The following C3orf20 variants were observed in gnomAD, a reference collection of about 807,000 sequenced individuals.
The protein encoded by C3orf20 is family with sequence similarity 149 member C, also known as uncharacterized protein C3orf20.
C3orf20 carries 76 observed loss-of-function variants against 88.3 expected under a neutral mutation model. That is an observed-to-expected ratio of 0.86 (90% CI 0.72 to 1.04). The LOEUF is 1.04. C3orf20 is among the 50% of genes least tolerant of loss of function. C3orf20 has a pLI of 0.00. For synonymous variants in C3orf20, 436 were observed against 437.4 expected (o/e 1.00, Z 0.04); for missense variants, 1,056 against 1,123.3 (o/e 0.94, Z 0.86).
intron 14 of C3orf20, among the ~76,000 whole-genome samples, chr3:14,761,189 G>T (rs2035550351): frequency 6.6e-6 from 1 of 151,546 alleles, no homozygotes. Flanking sequence ...CCCTCCTCAG[G>T]TTGCCCAGGG....
At position 14,684,222 on chromosome 3, in the gene C3orf20, G is replaced by A; in HGVS notation, c.485-20G>A. On this transcript the variant is annotated intron_variant, in intron 3 of 16. Coordinates refer to ENST00000253697, the MANE Select transcript of C3orf20 (RefSeq NM_032137.5). ...CCCCATGCTAGGAGGGACACGTGTT[G>A]CTTTCTATCATTGCTTTAGTGGGTG... 1.9e-6 allele frequency: 3 copies of A among 1,613,204 alleles called. No homozygotes were observed. The highest frequency in any genetic ancestry group is 2.5e-6 in the Non-Finnish European group (3 of 1,179,582).
At chr3:14,679,602 A>T (rs1391595256) in intron 1 of C3orf20, among the ~76,000 whole-genome samples, 1 of 152,024 alleles carries the variant, frequency 6.6e-6, no homozygotes, top group Admixed American at 6.6e-5. Context: ...AGCTGCAGCC[A>T]TCTTATCCAT....
chr3:14,700,212 A>G (rs1339547729), intron 5 of C3orf20, among the ~76,000 whole-genome samples: 1 of 151,942 alleles, frequency 6.6e-6, no homozygotes, highest in African/African-American at 2.4e-5. Flanking sequence ...ATCAGGTACT[A>G]TGAGTGCTCA....
intron 5 of C3orf20, among the ~76,000 whole-genome samples, chr3:14,694,524 A>G (rs2032881656): frequency 6.6e-6 from 1 of 152,094 alleles, no homozygotes; most frequent in African/African-American, 2.4e-5. Context: ...TTGCAATATC[A>G]GTTGTAATGT....
chr3:14,718,312 C>T (rs1026152613), intron 9 of C3orf20, among the ~76,000 whole-genome samples: 6 of 145,310 alleles, frequency 4.1e-5, no homozygotes, highest in Non-Finnish European at 9.2e-5. Context: ...TCTGTCATCT[C>T]CATTCTACTA....
chr3:14,721,211 G>A (rs551099797), intron 9 of C3orf20, among the ~76,000 whole-genome samples: 21 of 152,186 alleles, frequency 1.4e-4, no homozygotes, highest in East Asian at 1.9e-4. Flanking sequence ...GCTTTCCGGC[G>A]CTTCCTGCCA....
chr3:14,702,966 A>G lies in C3orf20; in HGVS notation c.746-164A>G, dbSNP rs537001119. ...CAAATGGGAAAAAATGGCCAAAACAAAGGGGTTACAGGGCCCATGCAAGTC... is the reference window on the plus strand; with the variant it reads ...CAAATGGGAAAAAATGGCCAAAACAGAGGGGTTACAGGGCCCATGCAAGTC... On this transcript the variant is annotated intron_variant, in intron 5 of 16. Transcript: ENST00000253697. Among the ~76,000 whole-genome samples, 3 of 152,268 alleles carry G rather than the reference A, an allele frequency of 2.0e-5. No individual in the cohort carries two copies. In the East Asian group the frequency reaches 5.8e-4, roughly 29 times the overall value.
intron 12 of C3orf20, among the ~76,000 whole-genome samples, chr3:14,747,018 A>G (rs748084495): frequency 2.0e-5 from 3 of 152,224 alleles, no homozygotes; most frequent in Middle Eastern, 3.2e-3. Context: ...TGTTGTAGCC[A>G]TTGAGTAGCA....
At chr3:14,690,250 T>C in intron 5 of C3orf20, 134 bp downstream of exon 5, 1 of 1,239,324 alleles carries the variant, frequency 8.1e-7, no homozygotes. Flanking sequence ...ATAGCGGCTC[T>C]GCCTGGAGAT....
At chr3:14,767,822 C>T (rs1207136290) in intron 15 of C3orf20, among the ~76,000 whole-genome samples, 3 of 152,246 alleles carry the variant, frequency 2.0e-5, no homozygotes, top group Non-Finnish European at 4.4e-5. Flanking sequence ...AACAGCAGAG[C>T]ACTCCGTAAG....
chr3:14,720,027 T>A (rs1479672425), intron 9 of C3orf20, among the ~76,000 whole-genome samples: 2 of 135,844 alleles, frequency 1.5e-5, no homozygotes, highest in African/African-American at 5.0e-5. Context: ...TTTTGTTTTG[T>A]TTTTTGTTTT....
intron 12 of C3orf20, among the ~76,000 whole-genome samples, chr3:14,749,154 A>G (rs184552232): frequency 8.5e-5 from 13 of 152,318 alleles, no homozygotes; most frequent in African/African-American, 3.1e-4. Context: ...TATGTTTGCA[A>G]TTGTTATATT....
intron 10 of C3orf20, 64 bp from the exon 11 acceptor site, chr3:14,726,837 T>A (rs932273311): frequency 1.2e-6 from 2 of 1,608,286 alleles, no homozygotes; most frequent in African/African-American, 2.7e-5. Context: ...TTAGTTATCC[T>A]GGACTAGGCA....
intron 9 of C3orf20, among the ~76,000 whole-genome samples, chr3:14,720,773 T>C (rs1178075354): frequency 1.3e-5 from 2 of 152,248 alleles, no homozygotes; most frequent in South Asian, 4.1e-4. Flanking sequence ...TTGCTCTACC[T>C]TGTCTTGACA....
rs2034370273 is a variant in C3orf20 at position 14,726,922 on chromosome 3, A to G, written c.1588A>G (p.Met530Val). 1 of 1,614,146 alleles carries G rather than the reference A, an allele frequency of 6.2e-7. No individual in the cohort carries two copies. Among genetic ancestry groups the G allele is most frequent in the Non-Finnish European group, 8.5e-7 (1 of 1,180,024 alleles). Residue 530 changes from methionine to valine, a missense_variant, in exon 11 of 17, where the codon ATG becomes GTG. By Grantham distance (21) the Met-to-Val change is conservative. Transcript: ENST00000253697. The part of the protein sequence containing the change: ...DKRLNRRISN[M>V]DDKVYKMSRA... ...CCAGCTGAACCGCAGAATCAGCAACATGGACGACAAGGTGTATAAGATGAG... is the reference window on the plus strand; with the variant it reads ...CCAGCTGAACCGCAGAATCAGCAACGTGGACGACAAGGTGTATAAGATGAG...
chr3:14,693,549 C>T (rs528302777), intron 5 of C3orf20, among the ~76,000 whole-genome samples: 3 of 152,208 alleles, frequency 2.0e-5, no homozygotes, highest in African/African-American at 7.2e-5. Flanking sequence ...ATTTTTGTAT[C>T]CTGCAACCTT....
chr3:14,715,889 C>G (rs529017511), intron 9 of C3orf20, among the ~76,000 whole-genome samples: 2 of 151,916 alleles, frequency 1.3e-5, no homozygotes, highest in South Asian at 4.2e-4. Context: ...ACTCTTTTTT[C>G]ATTCATTTGG....
In C3orf20 at chr3:14,682,941, C is replaced by G. The variant is rs369772449; in HGVS notation, c.228C>G (p.Pro76=). ...ILGLEVSFGA[P]LVVLMEPTFV... ...GCCTGGAGGTCAGCTTTGGAGCCCC[C>G]CTGGTGGTGCTCATGGAACCCACCT... The change falls in exon 3 of 17, where the codon CCC becomes CCG. Residue 76 remains proline (P), a synonymous_variant. Transcript: ENST00000253697. 9.9e-6 allele frequency: 16 copies of G among 1,614,086 alleles called. No individual in the cohort carries two copies. In the African/African-American group the frequency reaches 1.5e-4, roughly 15 times the overall value.
chr3:14,719,955 A>G (rs2034087234), intron 9 of C3orf20, among the ~76,000 whole-genome samples: 1 of 152,182 alleles, frequency 6.6e-6, no homozygotes, highest in Admixed American at 6.5e-5. Context: ...CCGTGGCTCT[A>G]TACTACATCT....
Sources: allele counts gnomAD v4.1 joint callset (sites outside exome capture counted in the v4.1 genomes callset), GRCh38; gene constraint gnomAD v4.1.1; transcripts MANE v1.5; gene names NCBI Gene and HGNC (gene_info 2026-07-23, HGNC 2026-07-21).